Variants in ATM observed in about 807,000 individuals in gnomAD.
ATM encodes the protein serine-protein kinase ATM.
Under a neutral mutation model 387.0 loss-of-function variants are expected in ATM, and 308 were observed. The observed-to-expected ratio is 0.80, with a 90% CI of 0.73 to 0.87. The LOEUF (loss-of-function observed/expected upper bound fraction) is 0.87. Among genes scored for constraint, ATM ranks in the 40% least tolerant of loss-of-function variants. The pLI is 0.00. For synonymous variants in ATM, 1,156 were observed against 1,187.3 expected (o/e 0.97, Z 0.54); for missense variants, 3,312 against 3,560.9 (o/e 0.93, Z 1.78).
intron 38 of ATM, 126 bp downstream of exon 38, chr11:108,308,110 A>G (rs1182695272): frequency 2.2e-6 from 2 of 914,232 alleles, no homozygotes; most frequent in East Asian, 2.7e-5. Context: ...TTTGTGTGAT[A>G]TTTATATCTC....
chr11:108,336,609 C>T (rs1181918535), intron 56 of ATM, among the ~76,000 whole-genome samples: 3 of 152,160 alleles, frequency 2.0e-5, no homozygotes, highest in East Asian at 1.9e-4. Context: ...CTACAAACAA[C>T]GCTGTATTGT....
chr11:108,301,456 T>G (rs997598139), intron 34 of ATM, among the ~76,000 whole-genome samples, 192 bp from the exon 35 acceptor site: 1 of 152,246 alleles, frequency 6.6e-6, no homozygotes, highest in Non-Finnish European at 1.5e-5. Context: ...TTGCAGTGAT[T>G]AGTAATTCAA....
intron 5 of ATM, among the ~76,000 whole-genome samples, chr11:108,237,057 T>C (rs936708985): frequency 5.3e-5 from 8 of 152,238 alleles, no homozygotes; most frequent in Non-Finnish European, 1.2e-4. Flanking sequence ...TATTGCCATT[T>C]TATTATTTCA....
intron 14 of ATM, 57 bp from the exon 15 acceptor site, chr11:108,257,424 G>C (rs961188705): frequency 6.3e-7 from 1 of 1,589,514 alleles, no homozygotes; most frequent in Non-Finnish European, 8.6e-7. Flanking sequence ...ACTGTAAAAA[G>C]CAATACTAAA....
intron 38 of ATM, chr11:108,309,208 A>G (rs613647): frequency 3.7e-6 from 2 of 533,836 alleles, no homozygotes; most frequent in South Asian, 5.1e-5. Context: ...AAACAACAAC[A>G]ACAAAAAAAT....
rs539080948 is a variant in ATM at position 108,368,876 on chromosome 11, A to G, written c.*3368A>G. The G allele has an allele frequency of 4.0e-5, 8 of 200,140 alleles. No individual in the cohort carries two copies. Among genetic ancestry groups the G allele is most frequent in the African/African-American group, 1.6e-4 (7 of 43,618 alleles). The allele number at this position is 200,140 out of a possible 1,614,324, so 12.4% of individuals were successfully genotyped here. On this transcript the variant is annotated 3_prime_UTR_variant, in exon 63 of 63. Coordinates refer to ENST00000675843, the MANE Select transcript of ATM (RefSeq NM_000051.4). The stretch of plus-strand genomic sequence containing the variant: ...TTTAAATATGGTCTAAAGCAAATAA[A>G]AGCAAAGAGGAAAAACTTTGGACAG...
At chr11:108,296,840 T>C (rs2083149287) in intron 32 of ATM, 1 of 190,780 alleles carries the variant, frequency 5.2e-6, no homozygotes, top group African/African-American at 2.4e-5. Context: ...TTCTCAGTAG[T>C]ACATTTGGTC....
chr11:108,267,094 C>T (rs1358286671), intron 16 of ATM, 77 bp from the exon 17 acceptor site: 5 of 1,445,778 alleles, frequency 3.5e-6, no homozygotes, highest in Non-Finnish European at 4.8e-6. Context: ...CTGTGCCCAG[C>T]CTGATTAGGT....
At chr11:108,287,768 G>T in intron 27 of ATM, 53 bp downstream of exon 27, 1 of 1,277,986 alleles carries the variant, frequency 7.8e-7, no homozygotes, top group Non-Finnish European at 1.1e-6. Context: ...AGTTTTTAAA[G>T]AAGTTTATTG....
intron 61 of ATM, among the ~76,000 whole-genome samples, chr11:108,356,712 A>C (rs2089969455): frequency 6.6e-6 from 1 of 152,160 alleles, no homozygotes; most frequent in Admixed American, 6.5e-5. Context: ...CACCAGAAGA[A>C]GGTAGTTCTT....
intron 47 of ATM, 148 bp downstream of exon 47, chr11:108,326,373 A>C: frequency 8.5e-7 from 1 of 1,174,274 alleles, no homozygotes; most frequent in Non-Finnish European, 1.2e-6. Context: ...CTTGAAAATT[A>C]ATTTGTAAAT....
Position 108,272,424 on chromosome 11 carries a change from T to G in ATM, c.3078-108T>G. 3.2e-6 allele frequency: 3 copies of G among 933,160 alleles called. No individual in the cohort carries two copies. The East Asian group carries it at 7.6e-5, about 24-fold the overall frequency. The allele number at this position is 933,160 out of a possible 1,614,324, so 57.8% of individuals were successfully genotyped here. The stretch of plus-strand genomic sequence containing the variant: ...TATTCCACATAATGACAAATAAGTT[T>G]AGCACAGAAAGACATATTGGAAGTA... On this transcript the variant is annotated intron_variant, in intron 20 of 62. Transcript: ENST00000675843.
At chr11:108,224,105 A>C (rs2078623098) in intron 1 of ATM, 1 of 152,232 alleles carries the variant, frequency 6.6e-6, no homozygotes, top group African/African-American at 2.4e-5. Context: ...CACTGTAAGC[A>C]TGTATATGGG....
Position 108,268,736 on chromosome 11 carries a change from C to G in ATM, c.2838+127C>G, listed in dbSNP as rs916966362. On this transcript the variant is annotated intron_variant, in intron 18 of 62. Coordinates refer to ENST00000675843, the MANE Select transcript of ATM (RefSeq NM_000051.4). Reference sequence around the variant, plus strand: ...GAAATTGCTTTCTTGAGAAATGAACCTGAGACTAGTTGGAAAATAACACTT... The same window carrying G: ...GAAATTGCTTTCTTGAGAAATGAACGTGAGACTAGTTGGAAAATAACACTT... 1.7e-5 allele frequency: 18 copies of G among 1,033,324 alleles called. No homozygotes were observed. In the Admixed American group the frequency reaches 1.9e-4, roughly 11 times the overall value. 64.0% of individuals were successfully genotyped at this position (1,033,324 alleles called of 1,614,324 possible). A position where few individuals can be genotyped will look rare whatever the true frequency, so the allele number is the denominator to read the frequency against.
chr11:108,304,981 A>G (rs1229864877), intron 37 of ATM, 129 bp downstream of exon 37: 6 of 1,161,310 alleles, frequency 5.2e-6, no homozygotes, highest in East Asian at 2.6e-5. Context: ...TTCTTCATCT[A>G]TGGAATGGAG....
chr11:108,319,930 T>A (rs1316775599), intron 43 of ATM, 24 bp from the exon 44 acceptor site: 22 of 1,536,304 alleles, frequency 1.4e-5, no homozygotes, highest in Non-Finnish European at 2.0e-5. Flanking sequence ...TTAAGTATAT[T>A]TTTTTCTTTG....
At chr11:108,362,828 T>C (rs1231358190) in intron 61 of ATM, among the ~76,000 whole-genome samples, 18 of 145,620 alleles carry the variant, frequency 1.2e-4, no homozygotes, top group Admixed American at 1.1e-3. Context: ...AGGGATAGCA[T>C]TGGGAGATAT....
intron 40 of ATM, among the ~76,000 whole-genome samples, chr11:108,314,949 C>A (rs1247789056): frequency 2.0e-5 from 3 of 152,166 alleles, no homozygotes; most frequent in Non-Finnish European, 4.4e-5. Context: ...TTGATATGTA[C>A]TTTAGGCCTC....
intron 33 of ATM, among the ~76,000 whole-genome samples, chr11:108,299,145 C>G (rs1266515191): frequency 6.6e-6 from 1 of 152,062 alleles, no homozygotes; most frequent in East Asian, 1.9e-4. Context: ...GCACGAAGAG[C>G]CCTCTGGGTT....
Sources: allele counts gnomAD v4.1 joint callset (sites outside exome capture counted in the v4.1 genomes callset), GRCh38; gene constraint gnomAD v4.1.1; transcripts MANE v1.5; gene names NCBI Gene and HGNC (gene_info 2026-07-23, HGNC 2026-07-21).